Variants in PPM1D observed in about 807,000 individuals in gnomAD.
PPM1D encodes protein phosphatase, Mg2+/Mn2+ dependent 1D.
Under a neutral mutation model 58.3 loss-of-function variants are expected in PPM1D, and 52 were observed. That is an observed-to-expected ratio of 0.89 (90% CI 0.71 to 1.12). The LOEUF is 1.12. Among genes scored for constraint, PPM1D ranks in the 50% most tolerant of loss-of-function variants. PPM1D has a pLI of 0.00. For missense variants in PPM1D, 564 were observed against 777.2 expected (o/e 0.73, Z 3.26); for synonymous variants, 278 against 285.1 (o/e 0.98, Z 0.25).
At chr17:60,623,875 GT>G (rs2030752975) in intron 2 of PPM1D, 126 bp downstream of exon 2, 1 of 931,478 alleles carries the variant, frequency 1.1e-6, no homozygotes, top group Non-Finnish European at 1.6e-6. Flanking sequence ...AGGTTTTTTA[GT>G]TTGTCTGATG....
chr17:60,628,712 A>G (rs1185621056), intron 2 of PPM1D, among the ~76,000 whole-genome samples: 1 of 151,984 alleles, frequency 6.6e-6, no homozygotes, highest in Admixed American at 6.6e-5. Context: ...TTATTATACT[A>G]TATAATATCC....
At chr17:60,600,921 T>C (rs2030195430) in intron 1 of PPM1D, 35 bp downstream of exon 1, 1 of 1,612,216 alleles carries the variant, frequency 6.2e-7, no homozygotes, top group East Asian at 2.2e-5. Flanking sequence ...CCCGCCCCTT[T>C]TTCAGGCAGT....
chr17:60,620,125 A>G (rs558424095), intron 1 of PPM1D, among the ~76,000 whole-genome samples: 2 of 151,960 alleles, frequency 1.3e-5, no homozygotes, highest in Admixed American at 6.6e-5. Flanking sequence ...CAGCCTCCCC[A>G]GTGGCTAGGA....
intron 5 of PPM1D, 189 bp downstream of exon 5, chr17:60,657,030 C>T: frequency 6.7e-7 from 1 of 1,498,030 alleles, no homozygotes; most frequent in Non-Finnish European, 8.8e-7. Flanking sequence ...ATGTGTACAG[C>T]ACTAATAAAA....
chr17:60,657,558 G>A (rs769520048), intron 5 of PPM1D, among the ~76,000 whole-genome samples: 42 of 152,198 alleles, frequency 2.8e-4, no homozygotes, highest in Non-Finnish European at 5.1e-4. Context: ...GGGAAATGTA[G>A]GGAAATCTAA....
chr17:60,633,965 G>T lies in PPM1D; in HGVS notation c.814G>T (p.Ala272Ser). Residue 272 changes from alanine (A) to serine (S), a missense_variant, in exon 3 of 6, where the codon GCA becomes TCA. By Grantham distance (99) the Ala-to-Ser change is moderately conservative. Coordinates refer to ENST00000305921, the MANE Select transcript of PPM1D (RefSeq NM_003620.4). ...VIDQIPFLAV[A>S]RALGDLWSYD... The stretch of plus-strand genomic sequence containing the variant: ...TGACCAGATTCCTTTTCTGGCAGTA[G>T]CAAGAGCACTTGGTAAGTAGGACTT... The T allele has an allele frequency of 6.2e-7, 1 of 1,613,310 alleles. No individual in the cohort carries two copies. Among genetic ancestry groups the T allele is most frequent in the Non-Finnish European group, 8.5e-7 (1 of 1,179,614 alleles).
At chr17:60,614,412 C>CT in intron 1 of PPM1D, among the ~76,000 whole-genome samples, 1 of 152,286 alleles carries the variant, frequency 6.6e-6, no homozygotes, top group East Asian at 1.9e-4. Context: ...ACTTTTGTGT[C>CT]TATCTCAGGG....
chr17:60,643,056 A>G (rs1056389063), intron 3 of PPM1D, among the ~76,000 whole-genome samples: 2 of 117,948 alleles, frequency 1.7e-5, no homozygotes, highest in African/African-American at 9.9e-5. Flanking sequence ...GTCTCAAAAG[A>G]AAAAAAAAAA....
intron 3 of PPM1D, among the ~76,000 whole-genome samples, chr17:60,641,316 T>C (rs182068569): frequency 2.6e-5 from 4 of 152,338 alleles, no homozygotes; most frequent in Admixed American, 2.6e-4. Context: ...GGTATTTCAT[T>C]GTGGTTTTGA....
intron 5 of PPM1D, chr17:60,657,175 GTTA>G: frequency 1.0e-6 from 1 of 985,228 alleles, no homozygotes; most frequent in Non-Finnish European, 1.3e-6. Flanking sequence ...TAGAGCTAAT[GTTA>G]TTATTTCATT....
chr17:60,610,059 A>T (rs7218827), intron 1 of PPM1D, among the ~76,000 whole-genome samples: 1 of 151,826 alleles, frequency 6.6e-6, no homozygotes, highest in African/African-American at 2.4e-5. Flanking sequence ...GCGCACCTGT[A>T]GTCGCAGCTA....
chr17:60,654,833 A>T (rs1249432779), intron 4 of PPM1D, among the ~76,000 whole-genome samples: 1 of 150,566 alleles, frequency 6.6e-6, no homozygotes, highest in Non-Finnish European at 1.5e-5. Flanking sequence ...TTGCCATTGC[A>T]CTCCAGCCTG....
chr17:60,645,420 G>A (rs1490964335), intron 3 of PPM1D, among the ~76,000 whole-genome samples: 1 of 149,714 alleles, frequency 6.7e-6, no homozygotes, highest in Non-Finnish European at 1.5e-5. Context: ...TTGGAAACTT[G>A]AAAGGATGGT....
intron 1 of PPM1D, among the ~76,000 whole-genome samples, chr17:60,622,060 G>A (rs2030717540): frequency 6.6e-6 from 1 of 151,162 alleles, no homozygotes; most frequent in Admixed American, 6.6e-5. Flanking sequence ...TGTGGTGGCA[G>A]GCGCCTGTAG....
chr17:60,628,144 G>A (rs1433698484), intron 2 of PPM1D, among the ~76,000 whole-genome samples: 5 of 151,966 alleles, frequency 3.3e-5, no homozygotes, highest in Non-Finnish European at 7.4e-5. Flanking sequence ...CACTGCTCCC[G>A]GCCCTGAATT....
Position 60,663,575 on chromosome 17 carries a change from T to C in PPM1D, c.*23T>C, listed in dbSNP as rs2031570543. ...TGAAATGCATCTGGGAAATGAGGTT[T>C]TTCCAAACTTAGGATATAAGAGGGC... On this transcript the variant is annotated 3_prime_UTR_variant, in exon 6 of 6. Transcript: ENST00000305921. The C allele has an allele frequency of 1.3e-6, 2 of 1,592,070 alleles. No individual in the cohort carries two copies. Among genetic ancestry groups the C allele is most frequent in the Non-Finnish European group, 8.5e-7 (1 of 1,172,748 alleles).
intron 4 of PPM1D, among the ~76,000 whole-genome samples, chr17:60,652,407 G>C (rs967393430): frequency 3.3e-5 from 5 of 152,040 alleles, no homozygotes; most frequent in African/African-American, 1.2e-4. Flanking sequence ...TGGAATTGAC[G>C]TAGGATGATT....
At chr17:60,632,507 C>T (rs1247167172) in intron 2 of PPM1D, among the ~76,000 whole-genome samples, 1 of 152,050 alleles carries the variant, frequency 6.6e-6, no homozygotes, top group Non-Finnish European at 1.5e-5. Flanking sequence ...GTCAAGCCTG[C>T]AGTGAACCAT....
chr17:60,629,173 T>C (rs138059394), intron 2 of PPM1D, among the ~76,000 whole-genome samples: 173 of 152,346 alleles, frequency 1.1e-3, no homozygotes, highest in African/African-American at 3.9e-3. Context: ...CTGAATGGAA[T>C]TGCATCTTGG....
Sources: allele counts gnomAD v4.1 joint callset (sites outside exome capture counted in the v4.1 genomes callset), GRCh38; gene constraint gnomAD v4.1.1; transcripts MANE v1.5; gene names NCBI Gene and HGNC (gene_info 2026-07-23, HGNC 2026-07-21).